ARHGEF3: variants seen among roughly 807,000 people sequenced by gnomAD.
The protein encoded by ARHGEF3 is Rho guanine nucleotide exchange factor 3.
A neutral mutation model predicts 63.2 loss-of-function variants in ARHGEF3; 28 were observed. That is an observed-to-expected ratio of 0.44 (90% confidence interval 0.33 to 0.61). The LOEUF (loss-of-function observed/expected upper bound fraction) is 0.61, where lower values mean the gene tolerates loss of function less well. ARHGEF3 is among the 20% of genes least tolerant of loss of function. The probability of loss-of-function intolerance (pLI) is 0.03; values close to 1 mark genes in which losing one functional copy is unlikely to be tolerated. For missense variants in ARHGEF3, 533 were observed against 659.3 expected (o/e 0.81, Z 2.10); for synonymous variants, 266 against 254.2 (o/e 1.05, Z -0.44).
intron 2 of ARHGEF3, among the ~76,000 whole-genome samples, chr3:57,028,306 T>C (rs1237452819): frequency 6.7e-5 from 6 of 89,768 alleles, no homozygotes; most frequent in Admixed American, 5.4e-4. Flanking sequence ...TGTCCAACAA[T>C]GATAGACTGG....
intron 4 of ARHGEF3, among the ~76,000 whole-genome samples, chr3:56,830,216 G>C (rs1646875173): frequency 6.6e-6 from 1 of 152,188 alleles, no homozygotes; most frequent in African/African-American, 2.4e-5. Context: ...TGACGGTGGT[G>C]ATAACAGTGA....
intron 4 of ARHGEF3, among the ~76,000 whole-genome samples, chr3:56,822,589 A>C (rs1003762234): frequency 2.0e-5 from 3 of 152,156 alleles, no homozygotes; most frequent in Non-Finnish European, 4.4e-5. Context: ...GGCCGGGTGC[A>C]GTGATTCATA....
chr3:57,073,627 C>G lies in ARHGEF3; in HGVS notation c.-28+5599G>C, dbSNP rs200762222. The G allele has an allele frequency of 6.3e-4, 972 of 1,532,782 alleles. 6 individuals are homozygous for G. The South Asian group carries it at 6.9e-3, about 11-fold the overall frequency. 94.9% of individuals were successfully genotyped at this position (1,532,782 alleles called of 1,614,324 possible). A position where few individuals can be genotyped will look rare whatever the true frequency, so the allele number is the denominator to read the frequency against. On this transcript the variant is annotated intron_variant, in intron 1 of 12. Coordinates refer to the ARHGEF3 transcript ENST00000338458. ...GGTTGCAAGAGTGCTGCATGCTCCT[C>G]AGGGATTGGCTCCGGCCAAGTGCCC... is the stretch of plus-strand genomic sequence containing the variant.
rs748553365 is a variant in ARHGEF3 at position 56,732,314 on chromosome 3, G to A, written c.1152C>T (p.Leu384=). The part of the protein sequence containing the change: ...LYRQPIPVKD[L]LLEDLQDGEV... The stretch of plus-strand genomic sequence containing the variant: ...CTCCATCCTGGAGGTCTTCCAGCAG[G>A]AGGTCTTTCACGGGGATTGGCTGAC... The change falls in exon 9 of 10, where the codon CTC becomes CTT. Residue 384 remains leucine (L), a synonymous_variant. Transcript: ENST00000296315. The A allele has an allele frequency of 6.2e-7, 1 of 1,614,090 alleles. No individual in the cohort carries two copies.
intron 4 of ARHGEF3, among the ~76,000 whole-genome samples, chr3:56,843,829 G>A (rs1185354059): frequency 6.6e-6 from 1 of 152,092 alleles, no homozygotes; most frequent in African/African-American, 2.4e-5. Flanking sequence ...CTAGAAAACT[G>A]CCACTAATTT....
chr3:56,744,169 C>T (rs1578392629), intron 7 of ARHGEF3, among the ~76,000 whole-genome samples: 2 of 152,126 alleles, frequency 1.3e-5, no homozygotes, highest in Non-Finnish European at 1.5e-5. Context: ...TCCCCAGGCA[C>T]GACCTGTCCT....
intron 2 of ARHGEF3, among the ~76,000 whole-genome samples, chr3:57,003,750 G>A (rs1702358770): frequency 6.6e-6 from 1 of 152,200 alleles, no homozygotes; most frequent in African/African-American, 2.4e-5. Flanking sequence ...AGTAGTAGGA[G>A]ATGTGATCAT....
At chr3:56,965,187 C>G (rs1351615576) in intron 2 of ARHGEF3, among the ~76,000 whole-genome samples, 1 of 152,154 alleles carries the variant, frequency 6.6e-6, no homozygotes, top group African/African-American at 2.4e-5. Flanking sequence ...CCTAGGAGTT[C>G]AAGGCTGCAG....
chr3:56,944,660 T>C (rs1423905149), intron 3 of ARHGEF3, among the ~76,000 whole-genome samples: 1 of 137,712 alleles, frequency 7.3e-6, no homozygotes, highest in Non-Finnish European at 1.5e-5. Context: ...CACTGCAACC[T>C]CTGCCTCCCG....
At chr3:57,019,340 A>AT (rs1703150866) in intron 2 of ARHGEF3, among the ~76,000 whole-genome samples, 1 of 151,836 alleles carries the variant, frequency 6.6e-6, no homozygotes, top group South Asian at 2.1e-4. Flanking sequence ...CAGGTTTCTT[A>AT]TTTTTTCCCT....
intron 1 of ARHGEF3, among the ~76,000 whole-genome samples, chr3:56,796,052 A>G (rs2037345045): frequency 6.6e-6 from 1 of 152,034 alleles, no homozygotes; most frequent in African/African-American, 2.4e-5. Context: ...ATAAGAATAA[A>G]TGGCAACGCA....
intron 1 of ARHGEF3, among the ~76,000 whole-genome samples, chr3:57,062,905 A>G (rs1390605302): frequency 4.6e-5 from 7 of 152,244 alleles, no homozygotes; most frequent in Non-Finnish European, 1.0e-4. Flanking sequence ...CAGGGAACAC[A>G]ATAGAAGAAA....
intron 2 of ARHGEF3, among the ~76,000 whole-genome samples, chr3:56,967,680 T>C (rs1430757536): frequency 1.2e-5 from 1 of 82,296 alleles, no homozygotes; most frequent in Non-Finnish European, 2.0e-5. Flanking sequence ...ATACTTATTA[T>C]ATTATATATA....
Position 56,729,252 on chromosome 3 carries a change from G to A in ARHGEF3, c.*18C>T, listed in dbSNP as rs761103406. 2.5e-6 allele frequency: 4 copies of A among 1,595,240 alleles called. No individual in the cohort carries two copies. Among genetic ancestry groups the A allele is most frequent in the South Asian group, 2.3e-5 (2 of 87,640 alleles). On this transcript the variant is annotated 3_prime_UTR_variant, in exon 10 of 10. Coordinates refer to ENST00000296315, the MANE Select transcript of ARHGEF3 (RefSeq NM_019555.3). Reference sequence around the variant, plus strand: ...CAGGTAAGATGCAGGCCTGCTTCCCGAAGTGCACATGCTTCTGTCAGACGT... The same window carrying A: ...CAGGTAAGATGCAGGCCTGCTTCCCAAAGTGCACATGCTTCTGTCAGACGT...
Position 57,047,968 on chromosome 3 carries a change from T to C in ARHGEF3, c.-27-12792A>G, listed in dbSNP as rs371362857. ...CCCAGAAGGCAAGATTGTACAGGCA[T>C]GTGGATCTCCAGAGGCAGTAAAGCT... On this transcript the variant is annotated intron_variant, in intron 1 of 12. Coordinates refer to the ARHGEF3 transcript ENST00000338458. 5.3e-5 allele frequency among the ~76,000 whole-genome samples: 8 copies of C among 152,108 alleles called. No individual in the cohort carries two copies. The East Asian group carries it at 1.5e-3, about 29-fold the overall frequency.
chr3:56,749,108 A>AT (rs1009677507), intron 6 of ARHGEF3, among the ~76,000 whole-genome samples: 78 of 152,314 alleles, frequency 5.1e-4, no homozygotes, highest in African/African-American at 1.9e-3. Flanking sequence ...GAGGAAAAAC[A>AT]TTTAACAGCT....
In ARHGEF3 at chr3:57,016,553, G is replaced by GA. The variant is rs545573425; in HGVS notation, c.62+18534dup. On this transcript the variant is annotated intron_variant, in intron 2 of 12. Coordinates refer to the ARHGEF3 transcript ENST00000338458. ...ACAGAGCGAAACTCCGTCTCAAAAA[G>GA]AAAAAAGAATGACAAAAAGGAGATC... 1.4e-4 allele frequency among the ~76,000 whole-genome samples: 22 copies of GA among 151,874 alleles called. No homozygotes were observed. The South Asian group carries it at 4.2e-3, about 29-fold the overall frequency.
chr3:56,758,728 A>G (rs1334046598), intron 2 of ARHGEF3, among the ~76,000 whole-genome samples: 2 of 152,222 alleles, frequency 1.3e-5, no homozygotes, highest in African/African-American at 2.4e-5. Flanking sequence ...CCTTGTAAAC[A>G]GTAACCAGGA....
At chr3:56,749,126 C>T (rs991522144) in intron 6 of ARHGEF3, among the ~76,000 whole-genome samples, 3 of 152,128 alleles carry the variant, frequency 2.0e-5, no homozygotes, top group Admixed American at 2.0e-4. Flanking sequence ...GCTTGTCAGG[C>T]CTGATAAATA....
Sources: gnomAD v4.1 joint callset for allele counts (sites outside exome capture counted in the v4.1 genomes callset) on GRCh38, gnomAD v4.1.1 for gene constraint, MANE v1.5 for transcripts, NCBI Gene and HGNC (gene_info 2026-07-23, HGNC 2026-07-21) for gene names.